The following COL13A1 variants were observed in gnomAD, a reference collection of about 807,000 sequenced individuals.
COL13A1 encodes the protein collagen alpha-1(XIII) chain.
A neutral mutation model predicts 130.9 loss-of-function variants in COL13A1; 89 were observed. The observed-to-expected ratio is 0.68, with a 90% CI of 0.57 to 0.81. COL13A1 has a LOEUF of 0.81. Among genes scored for constraint, COL13A1 ranks in the 30% least tolerant of loss-of-function variants. The probability of loss-of-function intolerance (pLI) is 0.00; values close to 1 mark genes in which losing one functional copy is unlikely to be tolerated. For missense variants in COL13A1, 879 were observed against 934.6 expected (o/e 0.94, Z 0.78); for synonymous variants, 402 against 341.6 (o/e 1.18, Z -1.95).
chr10:69,907,876 C>T (rs561238068), intron 17 of COL13A1, among the ~76,000 whole-genome samples: 1 of 152,246 alleles, frequency 6.6e-6, no homozygotes, highest in Non-Finnish European at 1.5e-5. Context: ...TTCATGAGGG[C>T]AGAGCTATCA....
chr10:69,803,222 GCT>G (rs1234272406), intron 1 of COL13A1, among the ~76,000 whole-genome samples: 1 of 152,266 alleles, frequency 6.6e-6, no homozygotes, highest in Non-Finnish European at 1.5e-5. Context: ...CCTGGTCTCT[GCT>G]CACTGGCCCA....
intron 2 of COL13A1, among the ~76,000 whole-genome samples, chr10:69,825,081 A>G (rs1453169140): frequency 1.3e-5 from 2 of 152,196 alleles, no homozygotes; most frequent in African/African-American, 4.8e-5. Flanking sequence ...CCTATTATAA[A>G]TAATAGCAGT....
intron 7 of COL13A1, among the ~76,000 whole-genome samples, chr10:69,880,887 T>C (rs1393758291): frequency 1.3e-5 from 2 of 152,334 alleles, no homozygotes; most frequent in East Asian, 3.9e-4. Context: ...TGATCCGGCT[T>C]TCCCGGGAAC....
chr10:69,843,102 C>T (rs1320208324), intron 2 of COL13A1, among the ~76,000 whole-genome samples: 1 of 152,108 alleles, frequency 6.6e-6, no homozygotes, highest in Non-Finnish European at 1.5e-5. Context: ...GTTATCTCTT[C>T]CAGCACCCAC....
intron 17 of COL13A1, among the ~76,000 whole-genome samples, chr10:69,913,605 C>T (rs1221331541): frequency 6.6e-6 from 1 of 152,192 alleles, no homozygotes; most frequent in Non-Finnish European, 1.5e-5. Context: ...CTCCCCCTCC[C>T]CCGCCTCCTG....
chr10:69,852,527 C>G (rs1855167572), intron 2 of COL13A1, among the ~76,000 whole-genome samples: 1 of 152,274 alleles, frequency 6.6e-6, no homozygotes, highest in African/African-American at 2.4e-5. Flanking sequence ...AGTGCCAGCA[C>G]CAACATAGAG....
At chr10:69,916,156 T>G (rs888462664) in intron 17 of COL13A1, among the ~76,000 whole-genome samples, 4 of 152,116 alleles carry the variant, frequency 2.6e-5, no homozygotes, top group Non-Finnish European at 4.4e-5. Flanking sequence ...AGGGAGAGTG[T>G]GGACAGCTGA....
Position 69,919,838 on chromosome 10 carries a change from A to G in COL13A1, c.1089+111A>G, listed in dbSNP as rs147571408. 9.1e-3 allele frequency: 3,634 copies of G among 397,764 alleles called. 21 individuals carry two copies. The highest frequency in any genetic ancestry group is 0.012 in the Non-Finnish European group (2,726 of 225,756). The allele number at this position is 397,764 out of a possible 1,614,324, so 24.6% of individuals were successfully genotyped here. A position where few individuals can be genotyped will look rare whatever the true frequency, so the allele number is the denominator to read the frequency against. On this transcript the variant is annotated intron_variant, in intron 21 of 40. Transcript: ENST00000645393. ...GTCGCCTGCAGCGTGCTGTTGGTGC[A>G]TGTGTTCCGAGATGAGGGGAGTGGC...
At chr10:69,866,901 C>T (rs768656876) in intron 2 of COL13A1, among the ~76,000 whole-genome samples, 1 of 152,182 alleles carries the variant, frequency 6.6e-6, no homozygotes, top group Non-Finnish European at 1.5e-5. Context: ...GTGGCCAGGG[C>T]ACTAGGGGCC....
rs563688826 is a variant in COL13A1, at chr10:69,818,046, C to T, written c.295-4323C>T. On this transcript the variant is annotated intron_variant, in intron 1 of 40. Coordinates refer to ENST00000645393, the MANE Select transcript of COL13A1 (RefSeq NM_001368882.1). Reference sequence around the variant, plus strand: ...CTCCATCCCCTCCAATCAAGGCTCCCGATTTCCGGGTCCACCTTTCCCACC... The same window carrying T: ...CTCCATCCCCTCCAATCAAGGCTCCTGATTTCCGGGTCCACCTTTCCCACC... Among the ~76,000 whole-genome samples, 6 of 152,300 alleles carry T rather than the reference C, an allele frequency of 3.9e-5. No homozygotes were observed. The East Asian group carries it at 9.7e-4, about 25-fold the overall frequency.
At chr10:69,917,223 C>T (rs1373556595) in intron 17 of COL13A1, 66 bp from the exon 18 acceptor site, 3 of 1,595,956 alleles carry the variant, frequency 1.9e-6, no homozygotes, top group Non-Finnish European at 1.7e-6. Flanking sequence ...TTCTCACCGA[C>T]ATCCTTGCAG....
intron 1 of COL13A1, among the ~76,000 whole-genome samples, chr10:69,810,376 G>GAGAGAGAGAGAGAGACAGAGAC (rs1230051691): frequency 1.5e-5 from 2 of 133,916 alleles, no homozygotes; most frequent in East Asian, 4.6e-4. Context: ...GAGAGAGAGA[G>GAGAGAGAGAGAGAGACAGAGAC]AGAGACAGAG....
chr10:69,922,838 G>A (rs1157962932), intron 23 of COL13A1, 44 bp downstream of exon 23: 1 of 1,380,750 alleles, frequency 7.2e-7, no homozygotes, highest in Non-Finnish European at 9.9e-7. Flanking sequence ...GCTTACCTGG[G>A]GACTTTGTCT....
intron 17 of COL13A1, among the ~76,000 whole-genome samples, chr10:69,915,933 G>A (rs78456565): frequency 2.1e-4 from 32 of 152,282 alleles, no homozygotes; most frequent in Non-Finnish European, 3.8e-4. Context: ...AGGAAGCAGG[G>A]GTCAGAACGT....
At chr10:69,873,668 G>A (rs2059306114) in intron 4 of COL13A1, among the ~76,000 whole-genome samples, 1 of 152,214 alleles carries the variant, frequency 6.6e-6, no homozygotes, top group African/African-American at 2.4e-5. Context: ...AAGCCCAAGA[G>A]TGAGTGGACC....
chr10:69,902,239 A>G (rs2062256536), intron 14 of COL13A1, among the ~76,000 whole-genome samples: 13 of 152,234 alleles, frequency 8.5e-5, no homozygotes, highest in Admixed American at 8.5e-4. Context: ...CTTTGACCTA[A>G]GGATCCCATT....
At chr10:69,897,383 G>C in intron 13 of COL13A1, 5 of 1,317,446 alleles carry the variant, frequency 3.8e-6, no homozygotes, top group Non-Finnish European at 2.1e-6. Flanking sequence ...GGAGAGGAGA[G>C]GGGTGGGGAG....
chr10:69,858,403 G>A (rs1378345007), intron 2 of COL13A1, among the ~76,000 whole-genome samples: 3 of 152,218 alleles, frequency 2.0e-5, no homozygotes, highest in Admixed American at 2.0e-4. Context: ...GCTCAGAGAG[G>A]TTAAGCAGCT....
intron 34 of COL13A1, among the ~76,000 whole-genome samples, chr10:69,939,926 C>T (rs890501000): frequency 1.3e-5 from 2 of 152,168 alleles, no homozygotes; most frequent in African/African-American, 4.8e-5. Flanking sequence ...CAGCTCGTTG[C>T]CTCCTTCTTG....
Sources: gnomAD v4.1 joint callset for allele counts (sites outside exome capture counted in the v4.1 genomes callset) on GRCh38, gnomAD v4.1.1 for gene constraint, MANE v1.5 for transcripts, NCBI Gene and HGNC (gene_info 2026-07-23, HGNC 2026-07-21) for gene names.